The following EYS variants were observed in gnomAD, a reference collection of about 807,000 sequenced individuals.
EYS encodes the protein EGF-like photoreceptor maintenance factor.
EYS carries 250 observed loss-of-function variants against 282.1 expected under a neutral mutation model. That is an observed-to-expected ratio of 0.89 (90% CI 0.80 to 0.98). EYS has a LOEUF of 0.98. Among genes scored for constraint, EYS ranks in the 50% least tolerant of loss-of-function variants. The probability of loss-of-function intolerance (pLI) is 0.00; values close to 1 mark genes in which losing one functional copy is unlikely to be tolerated. For missense variants in EYS, 4,016 were observed against 3,709.0 expected, an observed-to-expected ratio of 1.08 and a Z score of -2.15; for synonymous variants, 1,355 against 1,282.9, an observed-to-expected ratio of 1.06 and a Z score of -1.20.
intron 11 of EYS, among the ~76,000 whole-genome samples, chr6:65,302,222 T>C (rs1363983278): frequency 1.3e-5 from 2 of 152,212 alleles, no homozygotes; most frequent in Non-Finnish European, 2.9e-5. Context: ...TGTGTTTGAA[T>C]TGTGGCTGAG....
chr6:65,476,684 C>T (rs1750706242), intron 5 of EYS, among the ~76,000 whole-genome samples: 1 of 152,054 alleles, frequency 6.6e-6, no homozygotes, highest in Admixed American at 6.6e-5. Context: ...TCAAGTGATT[C>T]TCCTGCCTCA....
intron 22 of EYS, among the ~76,000 whole-genome samples, chr6:64,800,625 T>A (rs1481509251): frequency 1.3e-5 from 2 of 151,910 alleles, no homozygotes; most frequent in East Asian, 3.8e-4. Context: ...ATTCCTGTCT[T>A]GTTTTTGCAT....
intron 28 of EYS, among the ~76,000 whole-genome samples, chr6:64,419,318 T>A (rs1774153814): frequency 6.6e-6 from 1 of 152,108 alleles, no homozygotes. Flanking sequence ...AAGTGAGAAT[T>A]ATGGGAACTA....
In EYS at chr6:65,692,568, G is replaced by GTAAAAGA. The variant is rs549547505; in HGVS notation, c.-448+14560_-448+14566dup. On this transcript the variant is annotated intron_variant, in intron 1 of 42. Coordinates refer to ENST00000503581, the MANE Select transcript of EYS (RefSeq NM_001142800.2). ...CATTTTTCCTTGTGATATTATAATT[G>GTAAAAGA]TAAAAGATGTCACTACAATGATAAA... is the stretch of plus-strand genomic sequence containing the variant. 4.7e-4 allele frequency among the ~76,000 whole-genome samples: 70 copies of GTAAAAGA among 149,986 alleles called. 2 individuals carry two copies. The highest frequency in any genetic ancestry group is 1.6e-3 in the African/African-American group (65 of 41,270).
At chr6:64,023,838 G>A (rs1769324773) in intron 33 of EYS, among the ~76,000 whole-genome samples, 1 of 152,230 alleles carries the variant, frequency 6.6e-6, no homozygotes, top group Admixed American at 6.5e-5. Flanking sequence ...GCGAGTTCCA[G>A]GTGGGCGTGG....
intron 33 of EYS, among the ~76,000 whole-genome samples, chr6:64,049,752 A>G (rs1770744424): frequency 6.6e-6 from 1 of 152,232 alleles, no homozygotes; most frequent in South Asian, 2.1e-4. Context: ...ACAGGGCACC[A>G]TCTGATTGAC....
chr6:64,372,697 G>T (rs999014744), intron 29 of EYS, among the ~76,000 whole-genome samples: 2 of 151,922 alleles, frequency 1.3e-5, no homozygotes, highest in African/African-American at 4.8e-5. Flanking sequence ...TACAGATTTG[G>T]TCTCTTTACA....
intron 12 of EYS, among the ~76,000 whole-genome samples, chr6:65,070,651 G>A (rs1438417359): frequency 6.6e-6 from 1 of 151,698 alleles, no homozygotes; most frequent in Admixed American, 6.6e-5. Context: ...TCCCATTCTA[G>A]ATGAGACTTA....
intron 11 of EYS, chr6:65,331,649 G>GA (rs1769802813): frequency 1.3e-5 from 13 of 980,750 alleles, no homozygotes; most frequent in Non-Finnish European, 1.6e-5. Flanking sequence ...CACAAAATCA[G>GA]AAAAAAGGAA....
intron 31 of EYS, among the ~76,000 whole-genome samples, chr6:64,210,148 C>T (rs1014005258): frequency 2.0e-5 from 3 of 152,120 alleles, no homozygotes; most frequent in Non-Finnish European, 4.4e-5. Context: ...TCTGAATAAG[C>T]TAATTTATTT....
chr6:64,860,401 C>T (rs973294546), intron 19 of EYS, among the ~76,000 whole-genome samples: 7 of 152,176 alleles, frequency 4.6e-5, no homozygotes, highest in African/African-American at 1.2e-4. Context: ...AGTGTGGGGT[C>T]GGGCCACTGC....
rs1260312589 is a variant in EYS, at chr6:65,026,916, C to CAAAAAAAAAAAAAAAAAA, written c.2138-29214_2138-29213insTTTTTTTTTTTTTTTTTT. 3.3e-4 allele frequency among the ~76,000 whole-genome samples: 36 copies of CAAAAAAAAAAAAAAAAAA among 107,812 alleles called. 2 individuals carry two copies. The highest frequency in any genetic ancestry group is 4.8e-4 in the Non-Finnish European group (24 of 50,356). The allele number at this position is 107,812 out of a possible 152,430, so 70.7% of individuals were successfully genotyped here. A position where few individuals can be genotyped will look rare whatever the true frequency, so the allele number is the denominator to read the frequency against. ...TGGGCGACAGAGTGAGACTCCGTCT[C>CAAAAAAAAAAAAAAAAAA]AAAAAAAAAAAAAAGATTCAGATAT... is the stretch of plus-strand genomic sequence containing the variant. On this transcript the variant is annotated intron_variant, in intron 13 of 42. Coordinates refer to ENST00000503581, the MANE Select transcript of EYS (RefSeq NM_001142800.2).
intron 26 of EYS, among the ~76,000 whole-genome samples, chr6:64,458,073 T>C (rs1775613668): frequency 6.6e-6 from 1 of 152,058 alleles, no homozygotes; most frequent in African/African-American, 2.4e-5. Flanking sequence ...ACACTTTGAC[T>C]CCATTTACGG....
intron 22 of EYS, among the ~76,000 whole-genome samples, chr6:64,688,068 G>T (rs899509748): frequency 6.6e-6 from 1 of 151,700 alleles, no homozygotes; most frequent in Non-Finnish European, 1.5e-5. Context: ...ATCGGTGGTG[G>T]TATCCCCTTT....
chr6:65,695,223 A>T (rs1769403004), intron 1 of EYS, among the ~76,000 whole-genome samples: 1 of 152,102 alleles, frequency 6.6e-6, no homozygotes, highest in South Asian at 2.1e-4. Flanking sequence ...GGAATATTTT[A>T]AAAATATCAA....
Position 65,295,940 on chromosome 6 carries a change from G to T in EYS, c.1946C>A (p.Ser649Tyr), listed in dbSNP as rs1358237912. ...AGTTGTTCCATTTTTGCAGGACGCA[G>T]ATTTGCAGTCTTCAGTATCTATCTC... The part of the protein sequence containing the change: ...ICEIDTEDCK[S>Y]ASCKNGTTST... The change falls in exon 12 of 43, where the codon TCT becomes TAT. Residue 649 changes from serine to tyrosine, a missense_variant. Coordinates refer to ENST00000503581, the MANE Select transcript of EYS (RefSeq NM_001142800.2). The T allele has an allele frequency of 6.4e-7, 1 of 1,550,888 alleles. No individual in the cohort carries two copies. Among genetic ancestry groups the T allele is most frequent in the South Asian group, 1.2e-5 (1 of 84,036 alleles).
chr6:63,810,861 C>T (rs1443221779), intron 36 of EYS, among the ~76,000 whole-genome samples: 3 of 152,180 alleles, frequency 2.0e-5, no homozygotes, highest in East Asian at 1.9e-4. Context: ...AATTAATAAT[C>T]TTGGTTTTTA....
chr6:64,404,380 AGTGTGTGT>A (rs59373630), intron 28 of EYS, among the ~76,000 whole-genome samples: 2,144 of 93,778 alleles, frequency 0.023, 47 homozygotes, highest in African/African-American at 0.06. Context: ...AGAGTGTGAG[AGTGTGTGT>A]GTGTGTGTGT....
intron 35 of EYS, among the ~76,000 whole-genome samples, chr6:63,869,282 T>A (rs1326840594): frequency 6.6e-6 from 1 of 152,156 alleles, no homozygotes; most frequent in East Asian, 1.9e-4. Context: ...TGTTCTAGTA[T>A]CTGTCCAATT....
Sources: gnomAD v4.1 joint callset for allele counts (sites outside exome capture counted in the v4.1 genomes callset) on GRCh38, gnomAD v4.1.1 for gene constraint, MANE v1.5 for transcripts, NCBI Gene and HGNC (gene_info 2026-07-23, HGNC 2026-07-21) for gene names.